Variants in HMGN5 observed in about 807,000 individuals in gnomAD.
The protein encoded by HMGN5 is high mobility group nucleosome-binding domain-containing protein 5.
A neutral mutation model predicts 9.5 loss-of-function variants in HMGN5; 4 were observed. That is an observed-to-expected ratio of 0.42 (90% confidence interval 0.21 to 0.96). The LOEUF (loss-of-function observed/expected upper bound fraction) is 0.96, where lower values mean the gene tolerates loss of function less well. Among genes scored for constraint, HMGN5 ranks in the 40% least tolerant of loss-of-function variants. HMGN5 has a pLI of 0.30. For synonymous variants in HMGN5, 55 were observed against 57.1 expected (o/e 0.96, Z 0.16); for missense variants, 192 against 187.5 (o/e 1.02, Z -0.14).
rs780879622 is a variant in HMGN5 at position 81,119,566 on chromosome X, TAA to T, written c.45+220_45+221del. 4.1e-3 allele frequency among the ~76,000 whole-genome samples: 455 copies of T among 111,478 alleles called. 1 individual carries two copies. The highest frequency in any genetic ancestry group is 7.3e-3 in the Non-Finnish European group (386 of 52,942). On this transcript the variant is annotated intron_variant, in intron 3 of 6. Transcript: ENST00000358130. ...GAATATTTCCGTACCATCATTTCTA[TAA>T]AAAAAAGTGAAAAAGCCTTTTCTTT... is the stretch of plus-strand genomic sequence containing the variant.
intron 1 of HMGN5, among the ~76,000 whole-genome samples, chrX:81,144,238 A>G (rs775479294): frequency 9.0e-6 from 1 of 111,172 alleles, no homozygotes; most frequent in Non-Finnish European, 1.9e-5. Context: ...ACAGACATCT[A>G]TACAGGAGAG....
At chrX:81,132,875 C>T (rs970098494) in intron 1 of HMGN5, among the ~76,000 whole-genome samples, 10 of 111,190 alleles carry the variant, frequency 9.0e-5, no homozygotes, top group African/African-American at 2.9e-4. Flanking sequence ...AGCTTCCACA[C>T]AACAAAACAA....
chrX:81,159,653 C>T (rs915553696), intron 1 of HMGN5, among the ~76,000 whole-genome samples: 30 of 109,386 alleles, frequency 2.7e-4, no homozygotes, highest in African/African-American at 9.4e-4. Context: ...AATTTTGTCT[C>T]TCTTGGTTAA....
intron 1 of HMGN5, among the ~76,000 whole-genome samples, chrX:81,123,469 C>T (rs781701252): frequency 1.9e-4 from 21 of 111,723 alleles, no homozygotes; most frequent in Non-Finnish European, 4.0e-4. Context: ...CCTGGGTGAA[C>T]TTAAATATGT....
At chrX:81,127,838 C>T (rs2075288482) in intron 1 of HMGN5, among the ~76,000 whole-genome samples, 1 of 111,393 alleles carries the variant, frequency 9.0e-6, no homozygotes, top group African/African-American at 3.3e-5. Flanking sequence ...GGGGAATTGG[C>T]AATCTTTGCT....
intron 1 of HMGN5, among the ~76,000 whole-genome samples, chrX:81,184,558 AT>A (rs200858929): frequency 0.078 from 7,836 of 100,590 alleles, 234 homozygotes; most frequent in East Asian, 0.18. Context: ...CATTTTATTG[AT>A]TTTTTTTTTT....
intron 1 of HMGN5, among the ~76,000 whole-genome samples, chrX:81,176,751 G>A (rs1484021201): frequency 1.8e-5 from 2 of 111,248 alleles, no homozygotes; most frequent in East Asian, 2.8e-4. Flanking sequence ...AAAAACAAAC[G>A]AACAAAGCCT....
chrX:81,142,391 C>T (rs972873177), intron 1 of HMGN5, among the ~76,000 whole-genome samples: 2 of 111,545 alleles, frequency 1.8e-5, no homozygotes, highest in African/African-American at 3.3e-5. Context: ...AGATTTAACT[C>T]AAAGAAGACT....
chrX:81,126,147 CAAAAAAAA>C (rs776769640), intron 1 of HMGN5, among the ~76,000 whole-genome samples: 1 of 47,757 alleles, frequency 2.1e-5, no homozygotes, highest in Admixed American at 2.9e-4. Context: ...GACGCAGTCT[CAAAAAAAA>C]AAAAAAAAAA....
At chrX:81,149,178 T>C (rs1402936380) in intron 1 of HMGN5, among the ~76,000 whole-genome samples, 1 of 111,461 alleles carries the variant, frequency 9.0e-6, no homozygotes, top group Non-Finnish European at 1.9e-5. Flanking sequence ...CACGTGCACT[T>C]GTATGTTTAC....
chrX:81,139,035 T>C (rs2075320147), intron 1 of HMGN5, among the ~76,000 whole-genome samples: 1 of 112,232 alleles, frequency 8.9e-6, no homozygotes, highest in South Asian at 3.6e-4. Context: ...ATAAAAGATG[T>C]CAATTCTCTC....
chrX:81,174,437 T>C (rs1371638900), intron 1 of HMGN5, among the ~76,000 whole-genome samples: 1 of 111,510 alleles, frequency 9.0e-6, no homozygotes, highest in Admixed American at 9.5e-5. Flanking sequence ...CTGAAATACA[T>C]TTGTTTATAT....
chrX:81,143,029 T>G (rs751124423), intron 1 of HMGN5, among the ~76,000 whole-genome samples: 1 of 111,924 alleles, frequency 8.9e-6, no homozygotes, highest in Non-Finnish European at 1.9e-5. Flanking sequence ...AATTGTTTAT[T>G]TGTTGATGCA....
chrX:81,162,919 A>T (rs2075401564), intron 1 of HMGN5, among the ~76,000 whole-genome samples: 1 of 111,402 alleles, frequency 9.0e-6, no homozygotes, highest in Non-Finnish European at 1.9e-5. Flanking sequence ...TACACTGTAT[A>T]TCTCCAATCC....
chrX:81,116,887 G>A (rs1217053676), intron 5 of HMGN5, among the ~76,000 whole-genome samples: 1 of 111,432 alleles, frequency 9.0e-6, no homozygotes, highest in Non-Finnish European at 1.9e-5. Flanking sequence ...GATTCATGAC[G>A]ACTTCACCAA....
chrX:81,145,427 T>C (rs1341959962), intron 1 of HMGN5, among the ~76,000 whole-genome samples: 1 of 111,582 alleles, frequency 9.0e-6, no homozygotes, highest in Non-Finnish European at 1.9e-5. Flanking sequence ...GAAAGAGAAA[T>C]AAAATCCTTT....
chrX:81,120,976 T>C (rs145497268), intron 2 of HMGN5, among the ~76,000 whole-genome samples: 1,977 of 110,125 alleles, frequency 0.018, 44 homozygotes, highest in African/African-American at 0.062. Context: ...CTCTGTTCTC[T>C]AGGACAGTTT....
At chrX:81,151,765 A>G (rs1256574481) in intron 1 of HMGN5, among the ~76,000 whole-genome samples, 4 of 110,340 alleles carry the variant, frequency 3.6e-5, no homozygotes, top group African/African-American at 1.3e-4. Context: ...TTATTGGTGT[A>G]TAAGAATGCT....
chrX:81,171,207 T>G (rs914387284), intron 1 of HMGN5, among the ~76,000 whole-genome samples: 28 of 111,819 alleles, frequency 2.5e-4, no homozygotes, highest in Non-Finnish European at 4.3e-4. Flanking sequence ...GATCTGCATA[T>G]GAGAGCTTGG....
Sources: gnomAD v4.1 joint callset for allele counts (sites outside exome capture counted in the v4.1 genomes callset) on GRCh38, gnomAD v4.1.1 for gene constraint, MANE v1.5 for transcripts, NCBI Gene and HGNC (gene_info 2026-07-23, HGNC 2026-07-21) for gene names.